Variants in EIF4G1 observed in about 807,000 individuals in gnomAD.
EIF4G1 encodes eukaryotic translation initiation factor 4 gamma 1.
EIF4G1 carries 4 observed loss-of-function variants against 187.8 expected under a neutral mutation model. That is an observed-to-expected ratio of 0.02 (90% CI 0.01 to 0.05). The LOEUF (loss-of-function observed/expected upper bound fraction) is 0.05, where lower values mean the gene tolerates loss of function less well. Among genes scored for constraint, EIF4G1 ranks in the 10% least tolerant of loss-of-function variants. The probability of loss-of-function intolerance (pLI) is 1.00; values close to 1 mark genes in which losing one functional copy is unlikely to be tolerated. For missense variants in EIF4G1, 1,647 were observed against 2,081.1 expected, an observed-to-expected ratio of 0.79 and a Z score of 4.06; for synonymous variants, 844 against 781.4, an observed-to-expected ratio of 1.08 and a Z score of -1.34.
chr3:184,319,565 A>T, intron 6 of EIF4G1, 124 bp from the exon 7 acceptor site: 1 of 715,914 alleles, frequency 1.4e-6, no homozygotes, highest in Non-Finnish European at 2.6e-6. Flanking sequence ...AGGGCAGGGC[A>T]GGGCAAGGCA....
At chr3:184,320,272 C>T in intron 7 of EIF4G1, 1 of 1,238,612 alleles carries the variant, frequency 8.1e-7, no homozygotes, top group South Asian at 1.6e-5. Flanking sequence ...GGCCCTGCCC[C>T]CAGAGATCAG....
At position 184,321,906 on chromosome 3, in the gene EIF4G1, C is replaced by T. The variant is rs780954180; in HGVS notation, c.1322C>T (p.Thr441Ile). ...SMAPPTIPSATPATAPSATSP... is the reference protein window; with the variant it reads ...SMAPPTIPSAIPATAPSATSP... The stretch of plus-strand genomic sequence containing the variant: ...GCGCCCCCCACCATCCCCTCTGCTA[C>T]TCCAGCTACGGCTCCTTCAGCTACT... The change falls in exon 10 of 33, where the codon ACT becomes ATT. Residue 441 changes from threonine to isoleucine, a missense_variant. Physicochemically the swap from Thr to Ile is moderately conservative, Grantham distance 89. Around this residue, in one of 11 missense-constraint regions of EIF4G1, gnomAD observed 522 missense variants for 485.2 expected, o/e 1.08. Transcript: ENST00000346169. The T allele has an allele frequency of 6.2e-7, 1 of 1,614,088 alleles. No individual in the cohort carries two copies. Among genetic ancestry groups the T allele is most frequent in the Non-Finnish European group, 8.5e-7 (1 of 1,180,046 alleles).
intron 32 of EIF4G1, among the ~76,000 whole-genome samples, chr3:184,333,846 T>TG (rs1726595449): frequency 6.6e-6 from 1 of 152,118 alleles, no homozygotes; most frequent in Non-Finnish European, 1.5e-5. Context: ...ATCGATTGGA[T>TG]GGGGTCCCTG....
chr3:184,325,855 T>G lies in EIF4G1; in HGVS notation c.3126T>G (p.Arg1042=), dbSNP rs1031980532. ...RGGPPGPPIS[R]GLPLVDDGGW... Reference sequence around the variant, plus strand: ...ATGCCCCTCTTTTTGTGTCAGGCCGTGGACTTCCCCTTGTGGATGATGGTG... The same window carrying G: ...ATGCCCCTCTTTTTGTGTCAGGCCGGGGACTTCCCCTTGTGGATGATGGTG... Residue 1042 remains arginine, a synonymous_variant, in exon 21 of 33, where the codon CGT becomes CGG. Transcript: ENST00000346169. This position sits in a 1 kb window ranked among gnomAD's most constrained non-coding sequence, Gnocchi z 5.2. 6.2e-7 allele frequency: 1 copy of G among 1,614,046 alleles called. No homozygotes were observed. The highest frequency in any genetic ancestry group is 8.5e-7 in the Non-Finnish European group (1 of 1,180,034).
rs759245509 is a variant in EIF4G1, at chr3:184,323,492, A to G, written c.2173A>G (p.Ile725Val). 3 of 1,614,088 alleles carry G rather than the reference A, an allele frequency of 1.9e-6. No individual in the cohort carries two copies. Among genetic ancestry groups the G allele is most frequent in the Non-Finnish European group, 2.5e-6 (3 of 1,180,056 alleles). The change falls in exon 15 of 33, where the codon ATA becomes GTA. Residue 725 changes from isoleucine to valine, a missense_variant. By Grantham distance (29) the Ile-to-Val change is conservative. Around this residue, in one of 11 missense-constraint regions of EIF4G1, gnomAD observed 140 missense variants for 222.2 expected, o/e 0.63. Coordinates refer to ENST00000346169, the MANE Select transcript of EIF4G1 (RefSeq NM_198241.3). The surrounding 1 kb of genome is among the most constrained non-coding windows in gnomAD (Gnocchi z 6.9). ...IIATVLMTED[I>V]KLNKAEKAWK... ...TGCCACAGTGTTAATGACCGAAGAT[A>G]TAAAACTGAACAAAGCAGAGAAAGC...
Position 184,335,202 on chromosome 3 carries a change from G to A in EIF4G1, c.*294G>A. The A allele has an allele frequency of 2.5e-6, 1 of 400,466 alleles. No individual in the cohort carries two copies. The highest frequency in any genetic ancestry group is 4.8e-5 in the East Asian group (1 of 20,696). 24.8% of individuals were successfully genotyped at this position (400,466 alleles called of 1,614,324 possible). A position where few individuals can be genotyped will look rare whatever the true frequency, so the allele number is the denominator to read the frequency against. On this transcript the variant is annotated 3_prime_UTR_variant, in exon 33 of 33. Coordinates refer to ENST00000346169, the MANE Select transcript of EIF4G1 (RefSeq NM_198241.3). ...AGGGGCACCAACGCCTGCCCCTGGG[G>A]TCCTTTTTTTTATTTTCTGAAAATC...
Position 184,327,338 on chromosome 3 carries a change from G to A in EIF4G1, c.3551G>A (p.Arg1184Gln), listed in dbSNP as rs756664955. Residue 1184 changes from arginine (R) to glutamine (Q), a missense_variant, in exon 24 of 33, where the codon CGG (arginine) becomes CAG (glutamine). Coordinates refer to ENST00000346169, the MANE Select transcript of EIF4G1 (RefSeq NM_198241.3). ...LDRARTPATK[R>Q]SFSKEVEERS... Reference sequence around the variant, plus strand: ...CGTGCGCGGACACCTGCTACCAAGCGGAGCTTCAGCAAGGAAGTGGAGGAG... The same window carrying A: ...CGTGCGCGGACACCTGCTACCAAGCAGAGCTTCAGCAAGGAAGTGGAGGAG... The A allele has an allele frequency of 9.9e-6, 16 of 1,613,672 alleles. No homozygotes were observed. The highest frequency in any genetic ancestry group is 1.3e-5 in the African/African-American group (1 of 74,930).
Position 184,329,391 on chromosome 3 carries a change from G to A in EIF4G1, c.4161+401G>A, listed in dbSNP as rs182715119. 2.9e-3 allele frequency among the ~76,000 whole-genome samples: 443 copies of A among 152,350 alleles called. 15 individuals carry two copies. Among genetic ancestry groups the A allele is most frequent in the Admixed American group, 0.023 (352 of 15,302 alleles). On this transcript the variant is annotated intron_variant, in intron 28 of 32. Transcript: ENST00000346169. ...CTCACGCCTGTAATCCCAGCACTTTGAGAGGCCGACGTGGGTGGATCACGA... is the reference window on the plus strand; with the variant it reads ...CTCACGCCTGTAATCCCAGCACTTTAAGAGGCCGACGTGGGTGGATCACGA...
chr3:184,330,204 C>T (rs558158455), intron 28 of EIF4G1, among the ~76,000 whole-genome samples: 1 of 152,112 alleles, frequency 6.6e-6, no homozygotes, highest in Non-Finnish European at 1.5e-5. Flanking sequence ...TGATGAAACC[C>T]TGTATCTACT....
rs763629594 is a variant in EIF4G1, at chr3:184,321,368, C to G, written c.784C>G (p.Pro262Ala). Reference sequence around the variant, plus strand: ...CCCTTCAGAATCCCAGCCTTCGTCGCCTTCTCCGACCCCATCACCATCCCC... The same window carrying G: ...CCCTTCAGAATCCCAGCCTTCGTCGGCTTCTCCGACCCCATCACCATCCCC... ...HSPSESQPSSPSPTPSPSPVL... is the reference protein window; with the variant it reads ...HSPSESQPSSASPTPSPSPVL... The change falls in exon 10 of 33, where the codon CCT (proline) becomes GCT (alanine). Residue 262 changes from proline to alanine, a missense_variant. Physicochemically the swap from Pro to Ala is conservative, Grantham distance 27. This residue lies in a region of EIF4G1 where 522 missense variants were observed against 485.2 expected (regional missense o/e 1.08). Transcript: ENST00000346169. 3.7e-6 allele frequency: 6 copies of G among 1,614,160 alleles called. No individual in the cohort carries two copies. The highest frequency in any genetic ancestry group is 5.1e-6 in the Non-Finnish European group (6 of 1,180,040).
chr3:184,321,307 T>C lies in EIF4G1; in HGVS notation c.723T>C (p.Ile241=), dbSNP rs1368460229. The stretch of plus-strand genomic sequence containing the variant: ...ATGACCGGTCACAGGGAGCAATCAT[T>C]GCTGACCGGCCAGGGCTGCCTGGCC... ...RPDDRSQGAI[I]ADRPGLPGPE... Residue 241 remains isoleucine, a synonymous_variant, in exon 10 of 33, where the codon ATT becomes ATC. Transcript: ENST00000346169. 4.3e-6 allele frequency: 7 copies of C among 1,614,012 alleles called. No individual in the cohort carries two copies.
chr3:184,333,981 G>C (rs1043919184), intron 32 of EIF4G1, among the ~76,000 whole-genome samples: 1 of 152,160 alleles, frequency 6.6e-6, no homozygotes, highest in African/African-American at 2.4e-5. Flanking sequence ...TGACTTTGAG[G>C]CTGGGCATGC....
At position 184,319,790 on chromosome 3, in the gene EIF4G1, G is replaced by A. The variant is rs1297719461; in HGVS notation, c.526G>A (p.Glu176Lys). The A allele has an allele frequency of 1.2e-6, 2 of 1,601,520 alleles. No homozygotes were observed. Among genetic ancestry groups the A allele is most frequent in the African/African-American group, 1.3e-5 (1 of 74,822 alleles). The part of the protein sequence containing the change: ...NQPPQIAPKR[E>K]RKTIRIRDPN... ...GCCACCCCAGATTGCTCCCAAGAGG[G>A]AGCGTAAGACGGTGAGTAGCAGTGA... Residue 176 changes from glutamate (E) to lysine (K), a missense_variant, in exon 7 of 33, where the codon GAG becomes AAG. Transcript: ENST00000346169.
At position 184,325,921 on chromosome 3, in the gene EIF4G1, T is replaced by C; in HGVS notation, c.3192T>C (p.Ile1064=). The change falls in exon 21 of 33, where the codon ATT becomes ATC. Residue 1064 remains isoleucine (I), a synonymous_variant. Coordinates refer to ENST00000346169, the MANE Select transcript of EIF4G1 (RefSeq NM_198241.3). The surrounding 1 kb of genome is among the most constrained non-coding windows in gnomAD (Gnocchi z 5.2). ...CCATCAGCAAAGGTAGCCGCCCCAT[T>C]GACACCTCACGACTCACCAAGATCA... The part of the protein sequence containing the change: ...TVPISKGSRP[I]DTSRLTKITK... 2.5e-6 allele frequency: 4 copies of C among 1,614,132 alleles called. No homozygotes were observed. Among genetic ancestry groups the C allele is most frequent in the Non-Finnish European group, 2.5e-6 (3 of 1,180,022 alleles).
At position 184,327,717 on chromosome 3, in the gene EIF4G1, A is replaced by AG. The variant is rs1725207423; in HGVS notation, c.3780+14dup. ...CAATGACATGAAAGTAGGCAGTGGG[A>AG]GCGGCGTGTGATTGAGGAGTGGGCA... On this transcript the variant is annotated intron_variant, in intron 25 of 32. Transcript: ENST00000346169. The AG allele has an allele frequency of 6.2e-7, 1 of 1,613,774 alleles. No homozygotes were observed. The highest frequency in any genetic ancestry group is 1.3e-5 in the African/African-American group (1 of 74,884).
In EIF4G1 at chr3:184,323,650, G is replaced by A. The variant is rs142430905; in HGVS notation, c.2274+57G>A. 2.5e-4 allele frequency: 402 copies of A among 1,612,448 alleles called. 1 individual carries two copies. In the East Asian group the frequency reaches 8.5e-3, roughly 34 times the overall value. ...CATTTCTTCTCCAGGTCTGCCATCT[G>A]TGCCCTCTTTGCTTCTTTTTGTCCT... On this transcript the variant is annotated intron_variant, in intron 15 of 32. Coordinates refer to ENST00000346169, the MANE Select transcript of EIF4G1 (RefSeq NM_198241.3). This position sits in a 1 kb window ranked among gnomAD's most constrained non-coding sequence, Gnocchi z 6.9.
intron 32 of EIF4G1, among the ~76,000 whole-genome samples, chr3:184,333,032 G>A (rs541701103): frequency 5.9e-5 from 9 of 152,304 alleles, no homozygotes; most frequent in African/African-American, 2.2e-4. Context: ...GGGTGAGAGT[G>A]GATGTGGCAG....
rs1724351844 is a variant in EIF4G1, at chr3:184,323,772, C to G, written c.2275-8C>G. 1 of 1,613,368 alleles carries G rather than the reference C, an allele frequency of 6.2e-7. No homozygotes were observed. Among genetic ancestry groups the G allele is most frequent in the African/African-American group, 1.3e-5 (1 of 74,942 alleles). ...CCTCACTGGAACTCTTGTCTCTTCTCCCTCCAGGACCTATTCCGCAGGGTG... is the reference window on the plus strand; with the variant it reads ...CCTCACTGGAACTCTTGTCTCTTCTGCCTCCAGGACCTATTCCGCAGGGTG... On this transcript the variant is annotated splice_region_variant and splice_polypyrimidine_tract_variant and intron_variant, in intron 15 of 32. Coordinates refer to ENST00000346169, the MANE Select transcript of EIF4G1 (RefSeq NM_198241.3). This position sits in a 1 kb window ranked among gnomAD's most constrained non-coding sequence, Gnocchi z 6.9.
intron 7 of EIF4G1, 145 bp from the exon 8 acceptor site, chr3:184,320,485 A>C (rs1723700572): frequency 1.1e-5 from 17 of 1,542,912 alleles, no homozygotes; most frequent in Non-Finnish European, 1.5e-5. Context: ...AGATGGGCTG[A>C]AAGTGGAACT....
Sources: gnomAD v4.1 joint callset for allele counts (sites outside exome capture counted in the v4.1 genomes callset) on GRCh38, gnomAD v4.1.1 for gene constraint, gnomAD v4.1.1 regional missense constraint, Gnocchi (gnomAD v3.1) non-coding constraint, MANE v1.5 for transcripts, NCBI Gene and HGNC (gene_info 2026-07-23, HGNC 2026-07-21) for gene names.